MYO18B: variants seen among roughly 807,000 people sequenced by gnomAD.
The protein encoded by MYO18B is unconventional myosin-XVIIIb.
A neutral mutation model predicts 273.0 loss-of-function variants in MYO18B; 204 were observed. That is an observed-to-expected ratio of 0.75 (90% CI 0.67 to 0.84). MYO18B has a LOEUF of 0.84. Ranked by LOEUF, MYO18B falls within the 40% of genes least tolerant of loss-of-function variation. The pLI is 0.00. For synonymous variants in MYO18B, 1,330 were observed against 1,305.7 expected (o/e 1.02, Z -0.40); for missense variants, 3,212 against 3,287.6 (o/e 0.98, Z 0.56).
intron 20 of MYO18B, 65 bp from the exon 21 acceptor site, chr22:25,851,405 G>A: frequency 8.9e-7 from 1 of 1,117,736 alleles, no homozygotes; most frequent in Non-Finnish European, 1.3e-6. Flanking sequence ...AGGGGTTTAG[G>A]GAACTGGGCT....
In MYO18B at chr22:25,952,418, T is replaced by C. The variant is rs1160902663; in HGVS notation, c.5965T>C (p.Phe1989Leu). The change falls in exon 38 of 44, where the codon TTT becomes CTT. Residue 1989 changes from phenylalanine (F) to leucine (L), a missense_variant. Phe to Leu is a conservative substitution (Grantham distance 22, BLOSUM62 0). Coordinates refer to ENST00000335473, the MANE Select transcript of MYO18B (RefSeq NM_032608.7). ...GTTCCAGAAGGTGCAGATTAAGAGA[T>C]TTGAGGTACGTAGTGATTCATAAAT... Reference protein sequence around the residue: ...TEFQKVQIKRFEVLVIRLRDS... With the variant: ...TEFQKVQIKRLEVLVIRLRDS... 3 of 1,613,118 alleles carry C rather than the reference T, an allele frequency of 1.9e-6. No individual in the cohort carries two copies. Among genetic ancestry groups the C allele is most frequent in the East Asian group, 2.2e-5 (1 of 44,864 alleles).
chr22:25,942,800 T>A (rs1213922063), intron 34 of MYO18B, among the ~76,000 whole-genome samples: 1 of 152,074 alleles, frequency 6.6e-6, no homozygotes, highest in Non-Finnish European at 1.5e-5. Flanking sequence ...AAGATAATCC[T>A]ATCTCCAGCC....
chr22:25,785,281 C>T (rs2087333395), intron 10 of MYO18B, 147 bp from the exon 11 acceptor site: 1 of 651,186 alleles, frequency 1.5e-6, no homozygotes, highest in African/African-American at 1.8e-5. Context: ...TATCCCAGGG[C>T]AGAGTTAGTG....
chr22:25,876,368 A>C (rs1393915248), intron 24 of MYO18B, 36 bp downstream of exon 24: 7 of 1,571,056 alleles, frequency 4.5e-6, no homozygotes, highest in Non-Finnish European at 6.1e-6. Flanking sequence ...CTGGGTGGCT[A>C]CTCCCCACAC....
At chr22:25,948,438 C>T (rs1484470774) in intron 36 of MYO18B, among the ~76,000 whole-genome samples, 3 of 108,806 alleles carry the variant, frequency 2.8e-5, no homozygotes, top group South Asian at 3.1e-4. Flanking sequence ...TTCCTTCCTT[C>T]CTTCCTTCCT....
intron 6 of MYO18B, 89 bp downstream of exon 6, chr22:25,771,073 G>C (rs1206207250): frequency 2.5e-5 from 24 of 945,740 alleles, no homozygotes; most frequent in Non-Finnish European, 3.9e-5. Context: ...TCCTGCAAGA[G>C]ATTTCCTTGT....
chr22:25,936,878 C>T (rs9624932), intron 34 of MYO18B, among the ~76,000 whole-genome samples: 19,123 of 152,012 alleles, frequency 0.13, 1,631 homozygotes, highest in Non-Finnish European at 0.18. Context: ...CCCTCATGAC[C>T]TGATCTAAAC....
In MYO18B at chr22:25,835,499, T is replaced by C. The variant is rs2089865815; in HGVS notation, c.3208+56T>C. The stretch of plus-strand genomic sequence containing the variant: ...TGAGTCCAGCCTGGGTATTAGAATC[T>C]GTTCTTCTCTGCTGCAGGGAAAGCC... On this transcript the variant is annotated intron_variant, in intron 17 of 43. Coordinates refer to ENST00000335473, the MANE Select transcript of MYO18B (RefSeq NM_032608.7). The C allele has an allele frequency of 5.6e-6, 9 of 1,604,068 alleles. 1 individual carries two copies. In the South Asian group the frequency reaches 1.0e-4, roughly 18 times the overall value.
intron 34 of MYO18B, among the ~76,000 whole-genome samples, chr22:25,930,448 C>T (rs1250470878): frequency 6.6e-6 from 1 of 151,714 alleles, no homozygotes; most frequent in Non-Finnish European, 1.5e-5. Flanking sequence ...TTAACCTCTC[C>T]CCGCCATGCC....
At chr22:26,053,054 G>C in the MYO18B span, among the ~76,000 whole-genome samples, 551 of 152,026 alleles carry the variant, frequency 3.6e-3, 7 homozygotes, top group African/African-American at 0.013. Flanking sequence ...TGATCCACCC[G>C]CCTCGAACTC....
intron 34 of MYO18B, among the ~76,000 whole-genome samples, chr22:25,927,168 G>A (rs1416604615): frequency 6.6e-6 from 1 of 152,158 alleles, no homozygotes; most frequent in African/African-American, 2.4e-5. Context: ...AAAAGAACAG[G>A]ATAACAGCAA....
Position 25,843,823 on chromosome 22 carries a change from G to C in MYO18B, c.3297G>C (p.Thr1099=), listed in dbSNP as rs369215277. Reference sequence around the variant, plus strand: ...GGGACCCTGTGCGGTACGACCTCACGGGCTGGCTCCACAGAGCCAAGCCCA... The same window carrying C: ...GGGACCCTGTGCGGTACGACCTCACCGGCTGGCTCCACAGAGCCAAGCCCA... The part of the protein sequence containing the change: ...LGWDPVRYDL[T]GWLHRAKPNL... Residue 1099 remains threonine (T), a synonymous_variant, in exon 18 of 44, where the codon ACG becomes ACC. Coordinates refer to ENST00000335473, the MANE Select transcript of MYO18B (RefSeq NM_032608.7). The C allele has an allele frequency of 4.3e-6, 7 of 1,613,820 alleles. No homozygotes were observed. The highest frequency in any genetic ancestry group is 5.1e-6 in the Non-Finnish European group (6 of 1,179,746).
chr22:25,979,135 C>T (rs2093123904), intron 39 of MYO18B, among the ~76,000 whole-genome samples: 1 of 152,168 alleles, frequency 6.6e-6, no homozygotes, highest in African/African-American at 2.4e-5. Context: ...ATCCAGTGGC[C>T]ACTTGAGAAG....
the MYO18B span, among the ~76,000 whole-genome samples, chr22:26,060,719 C>A: frequency 1.3e-5 from 2 of 152,108 alleles, no homozygotes; most frequent in East Asian, 3.8e-4. Context: ...TGCACACATA[C>A]ATATACACAT....
intron 28 of MYO18B, among the ~76,000 whole-genome samples, chr22:25,896,092 T>A (rs1472416922): frequency 6.6e-6 from 1 of 152,180 alleles, no homozygotes; most frequent in Non-Finnish European, 1.5e-5. Flanking sequence ...AAACCCTTTT[T>A]CACTTTCTTT....
At chr22:26,053,009 G>A in the MYO18B span, among the ~76,000 whole-genome samples, 13,619 of 151,712 alleles carry the variant, frequency 0.09, 964 homozygotes, top group African/African-American at 0.2. Flanking sequence ...GGGTTTCACT[G>A]TGTTAGCCGG....
chr22:25,954,187 T>C (rs981379501), intron 38 of MYO18B, among the ~76,000 whole-genome samples: 1 of 152,178 alleles, frequency 6.6e-6, no homozygotes, highest in African/African-American at 2.4e-5. Context: ...TGGGTTTGTT[T>C]TGTGTGGCAC....
chr22:25,913,263 G>C (rs2092194609), intron 33 of MYO18B, among the ~76,000 whole-genome samples: 1 of 152,248 alleles, frequency 6.6e-6, no homozygotes, highest in Non-Finnish European at 1.5e-5. Context: ...GGCACTGTCA[G>C]ACATTTTTAA....
intron 40 of MYO18B, among the ~76,000 whole-genome samples, chr22:26,000,722 A>G (rs969548540): frequency 6.6e-6 from 1 of 151,852 alleles, no homozygotes. Flanking sequence ...CAGCCTTCTT[A>G]TTTTAAACAT....
Sources: gnomAD v4.1 joint callset for allele counts (sites outside exome capture counted in the v4.1 genomes callset) on GRCh38, gnomAD v4.1.1 for gene constraint, MANE v1.5 for transcripts, NCBI Gene and HGNC (gene_info 2026-07-23, HGNC 2026-07-21) for gene names.